SERPINB5: variants seen among roughly 807,000 people sequenced by gnomAD.
SERPINB5 encodes serpin B5.
In SERPINB5, 27 loss-of-function variants were observed where a neutral mutation model predicts 32.2. The observed-to-expected ratio is 0.84, with a 90% confidence interval of 0.62 to 1.16. The LOEUF (loss-of-function observed/expected upper bound fraction) is 1.16, where lower values mean the gene tolerates loss of function less well. Ranked by LOEUF, SERPINB5 falls within the 50% of genes most tolerant of loss-of-function variation. The pLI, the probability that SERPINB5 is intolerant of heterozygous loss-of-function variation, is 0.00. For synonymous variants in SERPINB5, 154 were observed against 157.4 expected (o/e 0.98, Z 0.16); for missense variants, 388 against 436.3 (o/e 0.89, Z 0.99).
At chr18:63,500,482 A>G (rs968393086) in intron 6 of SERPINB5, among the ~76,000 whole-genome samples, 11 of 152,014 alleles carry the variant, frequency 7.2e-5, no homozygotes, top group African/African-American at 1.9e-4. Flanking sequence ...CACATTATAT[A>G]TAAGTATTTT....
Position 63,489,373 on chromosome 18 carries a change from G to A in SERPINB5, c.333G>A (p.Pro111=), listed in dbSNP as rs12454742. Residue 111 remains proline, a synonymous_variant, in exon 4 of 7, where the codon CCG becomes CCA. Transcript: ENST00000382771. The part of the protein sequence containing the change: ...STEFISSTKR[P]YAKELETVDF... The stretch of plus-strand genomic sequence containing the variant: ...AGTTCATCAGCTCTACGAAGAGACC[G>A]TATGCAAAGGAATTGGAAACTGTTG... 2.5e-6 allele frequency: 4 copies of A among 1,610,888 alleles called. No individual in the cohort carries two copies. Among genetic ancestry groups the A allele is most frequent in the East Asian group, 4.5e-5 (2 of 44,802 alleles).
rs58217010 is a variant in SERPINB5, at chr18:63,500,231, C to CTT, written c.735+956_735+957dup. Among the ~76,000 whole-genome samples the CTT allele has an allele frequency of 7.3e-3, 1,024 of 139,956 alleles. 15 individuals carry two copies. Among genetic ancestry groups the CTT allele is most frequent in the African/African-American group, 0.025 (937 of 38,156 alleles). The allele number at this position is 139,956 out of a possible 152,430, so 91.8% of individuals were successfully genotyped here. A position where few individuals can be genotyped will look rare whatever the true frequency, so the allele number is the denominator to read the frequency against. ...TAAAGGCACACAGCACTATGCCTGG[C>CTT]TTTTTTTTTTTTTGTAAAGGTGGGA... On this transcript the variant is annotated intron_variant, in intron 6 of 6. Transcript: ENST00000382771.
chr18:63,491,256 G>A (rs1403439820), intron 4 of SERPINB5, among the ~76,000 whole-genome samples: 1 of 151,662 alleles, frequency 6.6e-6, no homozygotes, highest in East Asian at 2.0e-4. Flanking sequence ...ACAAAAATCA[G>A]CTGGGCATGG....
At chr18:63,483,896 G>A (rs1917162147) in intron 1 of SERPINB5, among the ~76,000 whole-genome samples, 2 of 152,162 alleles carry the variant, frequency 1.3e-5, no homozygotes, top group South Asian at 4.1e-4. Flanking sequence ...TTCCACGTAA[G>A]GTCACATTCA....
chr18:63,481,281 TCTC>T (rs988771452), intron 1 of SERPINB5, among the ~76,000 whole-genome samples: 8 of 152,330 alleles, frequency 5.3e-5, no homozygotes, highest in Non-Finnish European at 1.0e-4. Context: ...AAAATGAACA[TCTC>T]CTCACCATTT....
At chr18:63,489,978 G>A (rs1316823015) in intron 4 of SERPINB5, among the ~76,000 whole-genome samples, 2 of 152,188 alleles carry the variant, frequency 1.3e-5, no homozygotes, top group Non-Finnish European at 2.9e-5. Flanking sequence ...GGATCACGAG[G>A]TCAGGAGATC....
chr18:63,500,784 T>A (rs1169299517), intron 6 of SERPINB5, among the ~76,000 whole-genome samples: 1 of 152,170 alleles, frequency 6.6e-6, no homozygotes, highest in Non-Finnish European at 1.5e-5. Context: ...TTGCTGACTT[T>A]CCAGGGGACC....
At chr18:63,479,140 A>G (rs767802717) in intron 1 of SERPINB5, among the ~76,000 whole-genome samples, 1 of 152,148 alleles carries the variant, frequency 6.6e-6, no homozygotes, top group Non-Finnish European at 1.5e-5. Context: ...GTGGGTGAAG[A>G]GTGTGGTTGA....
At position 63,482,532 on chromosome 18, in the gene SERPINB5, A is replaced by G. The variant is rs550208909; in HGVS notation, c.-7-1890A>G. The stretch of plus-strand genomic sequence containing the variant: ...AACATGCTGTCCTGGCTTAGGCAGA[A>G]CCTCAGGAGTTCATGTAGTTCAGCT... On this transcript the variant is annotated intron_variant, in intron 1 of 6. Transcript: ENST00000382771. Among the ~76,000 whole-genome samples the G allele has an allele frequency of 3.3e-5, 5 of 152,268 alleles. No individual in the cohort carries two copies. In the South Asian group the frequency reaches 8.3e-4, roughly 25 times the overall value.
Position 63,480,257 on chromosome 18 carries a change from T to C in SERPINB5, c.-8+3212T>C, listed in dbSNP as rs114530179. ...AAATAAGTTCTTAAAACTGCATTTG[T>C]ATTACTGCTTGAACTTCCATCTATC... is the stretch of plus-strand genomic sequence containing the variant. On this transcript the variant is annotated intron_variant, in intron 1 of 6. Coordinates refer to ENST00000382771, the MANE Select transcript of SERPINB5 (RefSeq NM_002639.5). Among the ~76,000 whole-genome samples, 966 of 152,368 alleles carry C rather than the reference T, an allele frequency of 6.3e-3. 9 individuals carry two copies. Among genetic ancestry groups the C allele is most frequent in the African/African-American group, 0.022 (927 of 41,580 alleles).
chr18:63,502,530 A>G (rs2144512379), intron 6 of SERPINB5, among the ~76,000 whole-genome samples: 1 of 152,280 alleles, frequency 6.6e-6, no homozygotes. Flanking sequence ...CCCATTAAAA[A>G]AAAAAAGTAA....
chr18:63,495,964 G>A (rs917524769), intron 5 of SERPINB5, among the ~76,000 whole-genome samples: 2 of 152,134 alleles, frequency 1.3e-5, no homozygotes, highest in Non-Finnish European at 2.9e-5. Flanking sequence ...ATGCCCCGTG[G>A]TGTCTCCGGT....
chr18:63,499,112 T>G lies in SERPINB5; in HGVS notation c.568-8T>G, dbSNP rs1770302027. 1.4e-6 allele frequency: 2 copies of G among 1,469,712 alleles called. No individual in the cohort carries two copies. The highest frequency in any genetic ancestry group is 1.8e-6 in the Non-Finnish European group (2 of 1,105,458). 91.0% of individuals were successfully genotyped at this position (1,469,712 alleles called of 1,614,324 possible). Reference sequence around the variant, plus strand: ...AAAAGTAAGCAGTCCAAATTTTCCCTTTTACAGACAGACACCAAACCAGTG... The same window carrying G: ...AAAAGTAAGCAGTCCAAATTTTCCCGTTTACAGACAGACACCAAACCAGTG... On this transcript the variant is annotated splice_region_variant and splice_polypyrimidine_tract_variant and intron_variant, in intron 5 of 6. Coordinates refer to ENST00000382771, the MANE Select transcript of SERPINB5 (RefSeq NM_002639.5).
At chr18:63,478,834 A>G (rs1390295347) in intron 1 of SERPINB5, among the ~76,000 whole-genome samples, 9 of 146,346 alleles carry the variant, frequency 6.1e-5, no homozygotes, top group African/African-American at 2.3e-4. Context: ...ATCTTGGCTC[A>G]CCGCAACCTC....
chr18:63,480,242 T>C (rs1309770092), intron 1 of SERPINB5, among the ~76,000 whole-genome samples: 1 of 152,266 alleles, frequency 6.6e-6, no homozygotes, highest in African/African-American at 2.4e-5. Context: ...AAATAAGTTC[T>C]TAAAACTGCA....
chr18:63,500,326 G>A (rs1299011823), intron 6 of SERPINB5, among the ~76,000 whole-genome samples: 1 of 151,458 alleles, frequency 6.6e-6, no homozygotes, highest in Non-Finnish European at 1.5e-5. Context: ...GCCTCCTGAA[G>A]TGCTAGGATT....
intron 4 of SERPINB5, among the ~76,000 whole-genome samples, chr18:63,490,333 C>A (rs1909300352): frequency 6.6e-6 from 1 of 152,084 alleles, no homozygotes; most frequent in Admixed American, 6.5e-5. Context: ...TTCCCCCAGG[C>A]GTCTCCCTCG....
intron 1 of SERPINB5, among the ~76,000 whole-genome samples, chr18:63,481,408 T>C (rs1200393741): frequency 6.6e-6 from 1 of 152,256 alleles, no homozygotes; most frequent in African/African-American, 2.4e-5. Flanking sequence ...TAGTTTGTTA[T>C]TGACTATGCA....
rs920937268 is a variant in SERPINB5, at chr18:63,487,174, T to G, written c.306+91T>G. 12 of 1,267,370 alleles carry G rather than the reference T, an allele frequency of 9.5e-6. No individual in the cohort carries two copies. The African/African-American group carries it at 1.7e-4, about 17-fold the overall frequency. The allele number at this position is 1,267,370 out of a possible 1,614,324, so 78.5% of individuals were successfully genotyped here. The stretch of plus-strand genomic sequence containing the variant: ...GACCTACAACTTTTTTTCAGTGAAA[T>G]TCCTTTCTAGGATGTTCACTTGTGA... On this transcript the variant is annotated intron_variant, in intron 3 of 6. Coordinates refer to ENST00000382771, the MANE Select transcript of SERPINB5 (RefSeq NM_002639.5).
Sources: allele counts gnomAD v4.1 joint callset (sites outside exome capture counted in the v4.1 genomes callset), GRCh38; gene constraint gnomAD v4.1.1; transcripts MANE v1.5; gene names NCBI Gene and HGNC (gene_info 2026-07-23, HGNC 2026-07-21).